The following RIMS2 variants were observed in gnomAD, a reference collection of about 807,000 sequenced individuals.
RIMS2 encodes regulating synaptic membrane exocytosis protein 2.
In RIMS2, 59 loss-of-function variants were observed where a neutral mutation model predicts 174.4. That is an observed-to-expected ratio of 0.34 (90% CI 0.27 to 0.42). RIMS2 has a LOEUF of 0.42. RIMS2 is among the 10% of genes least tolerant of loss of function. The pLI, the probability that RIMS2 is intolerant of heterozygous loss-of-function variation, is 1.00. For synonymous variants in RIMS2, 606 were observed against 572.5 expected, an observed-to-expected ratio of 1.06 and a Z score of -0.84; for missense variants, 1,620 against 1,666.3, an observed-to-expected ratio of 0.97 and a Z score of 0.48.
At chr8:103,828,315 A>C (rs2098804247) in intron 3 of RIMS2, among the ~76,000 whole-genome samples, 1 of 152,158 alleles carries the variant, frequency 6.6e-6, no homozygotes. Context: ...AACCATCCGG[A>C]CTTAAAGTTT....
At chr8:103,840,240 G>A (rs991087513) in intron 3 of RIMS2, among the ~76,000 whole-genome samples, 1 of 152,034 alleles carries the variant, frequency 6.6e-6, no homozygotes, top group African/African-American at 2.4e-5. Flanking sequence ...CTAGAACCTT[G>A]GCAATCATTT....
intron 19 of RIMS2, among the ~76,000 whole-genome samples, chr8:104,020,306 A>T (rs1565884282): frequency 6.6e-6 from 1 of 152,014 alleles, no homozygotes; most frequent in Non-Finnish European, 1.5e-5. Flanking sequence ...AGGGAGAAAC[A>T]TCAACACCAC....
At chr8:104,215,864 T>G (rs78381394) in intron 19 of RIMS2, among the ~76,000 whole-genome samples, 3,841 of 152,266 alleles carry the variant, frequency 0.025, 82 homozygotes, top group Non-Finnish European at 0.039. Flanking sequence ...AAGCCCAAAC[T>G]CTTGCCCATT....
chr8:103,560,586 A>G (rs1388106607), intron 1 of RIMS2, among the ~76,000 whole-genome samples: 2 of 152,194 alleles, frequency 1.3e-5, no homozygotes, highest in Non-Finnish European at 2.9e-5. Flanking sequence ...TGACTCAAGG[A>G]AAGGATGGAA....
At chr8:104,029,096 C>A (rs887855043) in intron 19 of RIMS2, among the ~76,000 whole-genome samples, 7 of 152,188 alleles carry the variant, frequency 4.6e-5, no homozygotes, top group African/African-American at 1.7e-4. Context: ...CATTGCCATG[C>A]CATTTGTAAA....
exon 6 of RIMS2, chr8:103,912,160 G>T: frequency 1.9e-6 from 3 of 1,607,298 alleles, no homozygotes; most frequent in Non-Finnish European, 2.6e-6. Flanking sequence ...CAGGAGCAAT[G>T]CTTGGCTTGA....
rs181016685 is a variant in RIMS2 at position 104,210,918 on chromosome 8, T to C, written c.3335-33998T>C. ...GACATTCTTGGGGTTGGGAGTAAGATGATCGACTGCAATCTTATGTCTGTT... is the reference window on the plus strand; with the variant it reads ...GACATTCTTGGGGTTGGGAGTAAGACGATCGACTGCAATCTTATGTCTGTT... On this transcript the variant is annotated intron_variant, in intron 19 of 23. Transcript: ENST00000504942. Among the ~76,000 whole-genome samples the C allele has an allele frequency of 5.3e-5, 8 of 152,318 alleles. No homozygotes were observed. In the East Asian group the frequency reaches 1.2e-3, roughly 22 times the overall value.
chr8:103,626,874 C>G (rs1381184288), intron 1 of RIMS2, among the ~76,000 whole-genome samples: 3 of 152,084 alleles, frequency 2.0e-5, no homozygotes, highest in Non-Finnish European at 2.9e-5. Context: ...TCACATGCTT[C>G]AAAGGGCAAT....
chr8:103,707,545 T>A lies in RIMS2; in HGVS notation c.387+10249T>A, dbSNP rs142850792. On this transcript the variant is annotated intron_variant, in intron 2 of 23. Coordinates refer to ENST00000504942, the Ensembl canonical transcript of RIMS2. ...CCTCGCGATCCAGCCCTGGTGGACT[T>A]GGGGAAGATAAGGTTCCCAGGCAAA... is the stretch of plus-strand genomic sequence containing the variant. 6.2e-3 allele frequency among the ~76,000 whole-genome samples: 938 copies of A among 152,264 alleles called. 12 individuals carry two copies. The highest frequency in any genetic ancestry group is 0.021 in the African/African-American group (888 of 41,552).
intron 2 of RIMS2, among the ~76,000 whole-genome samples, chr8:103,735,519 T>A (rs949669814): frequency 6.6e-6 from 1 of 152,200 alleles, no homozygotes; most frequent in Non-Finnish European, 1.5e-5. Flanking sequence ...TCTGTTTTTA[T>A]GATTGCTGAT....
Position 103,749,459 on chromosome 8 carries a change from A to G in RIMS2, c.388-16768A>G, listed in dbSNP as rs756095875. On this transcript the variant is annotated intron_variant, in intron 2 of 23. Transcript: ENST00000504942. The stretch of plus-strand genomic sequence containing the variant: ...AAACTCTCTTTCTTTTCATTTTTTA[A>G]ACTATTATTTTACTTTAATATTTTT... Among the ~76,000 whole-genome samples the G allele has an allele frequency of 6.2e-4, 94 of 152,192 alleles. 1 individual carries two copies. Among genetic ancestry groups the G allele is most frequent in the Non-Finnish European group, 1.1e-3 (76 of 68,020 alleles).
At chr8:104,209,381 A>C (rs1256446921) in intron 19 of RIMS2, among the ~76,000 whole-genome samples, 1 of 152,210 alleles carries the variant, frequency 6.6e-6, no homozygotes, top group East Asian at 1.9e-4. Flanking sequence ...GTGCTAAAAA[A>C]ATCTGTAGGA....
rs1588046153 is a variant in RIMS2 at position 104,236,855 on chromosome 8, A to T, written c.3335-8061A>T. Among the ~76,000 whole-genome samples, 4 of 152,250 alleles carry T rather than the reference A, an allele frequency of 2.6e-5. No homozygotes were observed. The South Asian group carries it at 8.3e-4, about 31-fold the overall frequency. ...AAAGCACTTCAGGTAAAAACTAAGG[A>T]CATCAGAATAAAGTATAAACTTTAG... On this transcript the variant is annotated intron_variant, in intron 19 of 23. Coordinates refer to ENST00000504942, the Ensembl canonical transcript of RIMS2.
intron 3 of RIMS2, among the ~76,000 whole-genome samples, chr8:103,796,258 T>TA (rs1326715360): frequency 2.0e-5 from 3 of 152,178 alleles, no homozygotes; most frequent in Admixed American, 6.6e-5. Flanking sequence ...ATTTTGGACT[T>TA]AAAGTTCAAA....
At chr8:103,990,062 G>A (rs2094585812) in intron 17 of RIMS2, among the ~76,000 whole-genome samples, 1 of 152,024 alleles carries the variant, frequency 6.6e-6, no homozygotes, top group South Asian at 2.1e-4. Context: ...TTTAACTTAA[G>A]CAAATCGATA....
At chr8:103,882,235 T>C (rs2099170782) in intron 3 of RIMS2, among the ~76,000 whole-genome samples, 1 of 151,476 alleles carries the variant, frequency 6.6e-6, no homozygotes, top group Non-Finnish European at 1.5e-5. Context: ...AGCAAAGATA[T>C]ACAGTAGAAA....
chr8:103,859,884 C>T (rs564952151), intron 3 of RIMS2, among the ~76,000 whole-genome samples: 12 of 152,064 alleles, frequency 7.9e-5, no homozygotes, highest in Non-Finnish European at 1.2e-4. Flanking sequence ...TTTACTACCT[C>T]AGCACAGAAA....
intron 3 of RIMS2, among the ~76,000 whole-genome samples, chr8:103,784,425 C>T (rs1220186111): frequency 3.4e-5 from 5 of 145,182 alleles, no homozygotes; most frequent in Admixed American, 6.9e-5. Context: ...GTCTTTAATC[C>T]ATCTTGAATT....
chr8:103,573,574 C>T lies in RIMS2; in HGVS notation c.176+72512C>T, dbSNP rs545179395. Among the ~76,000 whole-genome samples the T allele has an allele frequency of 3.9e-5, 6 of 152,006 alleles. No homozygotes were observed. In the South Asian group the frequency reaches 1.2e-3, roughly 32 times the overall value. ...GGTTCTCTATTCTGCTATGTTGGTC[C>T]CTGTGTCTATTTTTGTACCATATCG... On this transcript the variant is annotated intron_variant, in intron 1 of 23. Coordinates refer to ENST00000504942, the Ensembl canonical transcript of RIMS2.
Sources: gnomAD v4.1 joint callset for allele counts (sites outside exome capture counted in the v4.1 genomes callset) on GRCh38, gnomAD v4.1.1 for gene constraint, MANE v1.5 for transcripts, NCBI Gene and HGNC (gene_info 2026-07-23, HGNC 2026-07-21) for gene names.